Variants in WDR93 observed in about 807,000 individuals in gnomAD.
The protein encoded by WDR93 is WD repeat-containing protein 93.
Under a neutral mutation model 82.9 loss-of-function variants are expected in WDR93, and 73 were observed. That is an observed-to-expected ratio of 0.88 (90% CI 0.73 to 1.07). The LOEUF (loss-of-function observed/expected upper bound fraction) is 1.07, where lower values mean the gene tolerates loss of function less well. Ranked by LOEUF, WDR93 falls within the 50% of genes least tolerant of loss-of-function variation. The pLI is 0.00. For synonymous variants in WDR93, 283 were observed against 300.1 expected, an observed-to-expected ratio of 0.94 and a Z score of 0.59; for missense variants, 738 against 826.0, an observed-to-expected ratio of 0.89 and a Z score of 1.31.
intron 4 of WDR93, among the ~76,000 whole-genome samples, chr15:89,710,336 G>A (rs898095254): frequency 1.1e-4 from 16 of 152,180 alleles, no homozygotes; most frequent in African/African-American, 3.9e-4. Context: ...AGACACAAAA[G>A]AGTAGGTTCT....
Position 89,734,857 on chromosome 15 carries a change from T to C in WDR93, c.1545-633T>C, listed in dbSNP as rs181796012. 4.3e-4 allele frequency among the ~76,000 whole-genome samples: 66 copies of C among 152,170 alleles called. 1 individual carries two copies. The highest frequency in any genetic ancestry group is 1.4e-3 in the African/African-American group (60 of 41,524). On this transcript the variant is annotated intron_variant, in intron 13 of 16. Transcript: ENST00000268130. ...AAAATTATTAAAAAAAGAAAAAGAA[T>C]TAACCACATTTGTATGACTGTATCT...
intron 12 of WDR93, 34 bp downstream of exon 12, chr15:89,731,596 G>A (rs1966859413): frequency 6.2e-7 from 1 of 1,612,948 alleles, no homozygotes; most frequent in African/African-American, 1.3e-5. Flanking sequence ...CTAGTACCTG[G>A]GTGGGACTCT....
At chr15:89,702,576 G>C (rs1441003064) in intron 2 of WDR93, among the ~76,000 whole-genome samples, 1 of 151,748 alleles carries the variant, frequency 6.6e-6, no homozygotes, top group African/African-American at 2.4e-5. Context: ...TTTCGCTCTT[G>C]TTGCCCAGGC....
chr15:89,716,770 C>A, intron 6 of WDR93, 141 bp from the exon 7 acceptor site: 1 of 641,616 alleles, frequency 1.6e-6, no homozygotes, highest in Admixed American at 3.3e-5. Flanking sequence ...GAGGCCCACA[C>A]AAATACTGGC....
chr15:89,725,240 C>A (rs1966686772), intron 8 of WDR93, among the ~76,000 whole-genome samples: 1 of 152,134 alleles, frequency 6.6e-6, no homozygotes, highest in South Asian at 2.1e-4. Flanking sequence ...CAGTGGGATA[C>A]TATACAGCAA....
At chr15:89,742,443 C>T (rs80095571) in intron 16 of WDR93, among the ~76,000 whole-genome samples, 2,473 of 152,198 alleles carry the variant, frequency 0.016, 81 homozygotes, top group African/African-American at 0.057. Context: ...TAAGCGTGCC[C>T]GTCTCTGTGT....
At chr15:89,714,795 A>G (rs1966167130) in intron 5 of WDR93, among the ~76,000 whole-genome samples, 185 bp from the exon 6 acceptor site, 1 of 152,176 alleles carries the variant, frequency 6.6e-6, no homozygotes, top group African/African-American at 2.4e-5. Context: ...TGGGAAAGTT[A>G]TGTGGGGCAT....
intron 11 of WDR93, 33 bp from the exon 12 acceptor site, chr15:89,731,410 G>A (rs762547082): frequency 6.2e-7 from 1 of 1,612,900 alleles, no homozygotes; most frequent in South Asian, 1.1e-5. Flanking sequence ...GCAGAGTCTG[G>A]GGGAACCGGT....
intron 4 of WDR93, among the ~76,000 whole-genome samples, chr15:89,705,946 C>T (rs1965706491): frequency 6.6e-6 from 1 of 152,188 alleles, no homozygotes; most frequent in African/African-American, 2.4e-5. Context: ...CCTTCCCTTG[C>T]CCATGCTGTT....
rs142040675 is a variant in WDR93, at chr15:89,743,341, C to A, written c.2011C>A (p.Arg671=). ...NPEKEEEHWA[R]LQRYSLSLQR... The stretch of plus-strand genomic sequence containing the variant: ...AGAGAAGGAGGAGGAGCACTGGGCC[C>A]GGCTTCAGAGGTACTCCTTGTCGCT... The change falls in exon 17 of 17, where the codon CGG becomes AGG. Residue 671 remains arginine (R), a synonymous_variant. Coordinates refer to ENST00000268130, the MANE Select transcript of WDR93 (RefSeq NM_020212.2). 1 of 1,614,168 alleles carries A rather than the reference C, an allele frequency of 6.2e-7. No individual in the cohort carries two copies.
intron 15 of WDR93, 138 bp from the exon 16 acceptor site, chr15:89,737,903 T>A: frequency 7.6e-7 from 1 of 1,317,372 alleles, no homozygotes; most frequent in East Asian, 2.3e-5. Context: ...CAGCAGGGTC[T>A]TCTCTCTGAA....
At chr15:89,722,290 T>G in intron 8 of WDR93, 151 bp downstream of exon 8, 1 of 597,110 alleles carries the variant, frequency 1.7e-6, no homozygotes, top group South Asian at 2.7e-5. Context: ...CCATAAGCTC[T>G]GAGACATTAA....
intron 9 of WDR93, among the ~76,000 whole-genome samples, chr15:89,727,899 A>G (rs924169493): frequency 6.6e-6 from 1 of 152,020 alleles, no homozygotes; most frequent in Non-Finnish European, 1.5e-5. Context: ...CCTGGTCAAC[A>G]CGGTGAAACC....
intron 16 of WDR93, among the ~76,000 whole-genome samples, chr15:89,740,843 A>T (rs1346624819): frequency 6.6e-6 from 1 of 152,000 alleles, no homozygotes; most frequent in Non-Finnish European, 1.5e-5. Flanking sequence ...TTACTTTTTT[A>T]AAAAGTGTTA....
intron 16 of WDR93, among the ~76,000 whole-genome samples, chr15:89,740,506 T>C (rs1967579011): frequency 6.6e-6 from 1 of 151,536 alleles, no homozygotes; most frequent in Non-Finnish European, 1.5e-5. Context: ...TTTTTGTTTT[T>C]GTTTTTGTTT....
At chr15:89,742,158 TG>T (rs2141735675) in intron 16 of WDR93, among the ~76,000 whole-genome samples, 1 of 152,262 alleles carries the variant, frequency 6.6e-6, no homozygotes, top group East Asian at 1.9e-4. Context: ...GAGACAGAGA[TG>T]GAGGATCACT....
chr15:89,724,384 A>G (rs761286472), intron 8 of WDR93, among the ~76,000 whole-genome samples: 1 of 152,206 alleles, frequency 6.6e-6, no homozygotes, highest in Non-Finnish European at 1.5e-5. Flanking sequence ...CAATAACTTT[A>G]TCACCTCTGG....
Position 89,703,129 on chromosome 15 carries a change from T to C in WDR93, c.483T>C (p.Pro161=), listed in dbSNP as rs777750261. The C allele has an allele frequency of 1.9e-6, 3 of 1,614,194 alleles. No individual in the cohort carries two copies. In the South Asian group the frequency reaches 3.3e-5, roughly 18 times the overall value. ...TAGGGAATGAAATACTCATTGCTCC[T>C]GTGGATGAAATGGGTATTGTTCTTC... The part of the protein sequence containing the change: ...TDLGNEILIA[P]VDEMGIIRLF... Residue 161 remains proline (P), a synonymous_variant, in exon 3 of 17, where the codon CCT becomes CCC. Transcript: ENST00000268130.
At chr15:89,694,090 A>T (rs1965031976) in intron 1 of WDR93, among the ~76,000 whole-genome samples, 1 of 152,186 alleles carries the variant, frequency 6.6e-6, no homozygotes, top group Non-Finnish European at 1.5e-5. Context: ...AGGCATTTTA[A>T]TATACGTGTA....
Sources: allele counts gnomAD v4.1 joint callset (sites outside exome capture counted in the v4.1 genomes callset), GRCh38; gene constraint gnomAD v4.1.1; transcripts MANE v1.5; gene names NCBI Gene and HGNC (gene_info 2026-07-23, HGNC 2026-07-21).